Variants in AGL observed in about 807,000 individuals in gnomAD.
AGL encodes the protein amylo-alpha-1,6-glucosidase and 4-alpha-glucanotransferase.
In AGL, 128 loss-of-function variants were observed where a neutral mutation model predicts 199.3. That is an observed-to-expected ratio of 0.64 (90% CI 0.56 to 0.74). The LOEUF (loss-of-function observed/expected upper bound fraction) is 0.74. AGL is among the 30% of genes least tolerant of loss of function. AGL has a pLI of 0.00. For synonymous variants in AGL, 584 were observed against 594.7 expected, an observed-to-expected ratio of 0.98 and a Z score of 0.26; for missense variants, 1,809 against 1,820.8, an observed-to-expected ratio of 0.99 and a Z score of 0.12.
chr1:99,881,913 A>T (rs990237898), intron 17 of AGL, among the ~76,000 whole-genome samples: 1 of 152,046 alleles, frequency 6.6e-6, no homozygotes. Flanking sequence ...CAGGCAGATC[A>T]CTTGAGCTCA....
chr1:99,895,078 C>T lies in AGL; in HGVS notation c.3260-1208C>T, dbSNP rs115084432. The stretch of plus-strand genomic sequence containing the variant: ...TTTTTTTTCTTTTGAGACAGAGTTT[C>T]GCTCTTTTTGCCCAGGCTGGAGTAC... On this transcript the variant is annotated intron_variant, in intron 24 of 33. Coordinates refer to ENST00000361915, the MANE Select transcript of AGL (RefSeq NM_000642.3). Among the ~76,000 whole-genome samples, 1,337 of 152,134 alleles carry T rather than the reference C, an allele frequency of 8.8e-3. 9 individuals are homozygous for T. The highest frequency in any genetic ancestry group is 0.013 in the Non-Finnish European group (853 of 67,986).
chr1:99,849,898 T>C (rs1328415684), upstream of AGL, among the ~76,000 whole-genome samples: 6 of 152,330 alleles, frequency 3.9e-5, no homozygotes, highest in East Asian at 1.2e-3. Flanking sequence ...AATGTGCAAC[T>C]GTGAGCTCGC....
intron 25 of AGL, among the ~76,000 whole-genome samples, chr1:99,899,528 CTT>C (rs1491347628): frequency 0.01 from 1,142 of 113,004 alleles, 16 homozygotes; most frequent in African/African-American, 0.034. Context: ...CTCTCTCTCT[CTT>C]TCTCTCTCTC....
chr1:99,857,742 A>G (rs1571219848), intron 2 of AGL, among the ~76,000 whole-genome samples: 1 of 70,868 alleles, frequency 1.4e-5, no homozygotes, highest in Non-Finnish European at 3.1e-5. Context: ...GGGAGGTTGC[A>G]GTGAGCCGAG....
At chr1:99,885,899 G>A (rs78347999) in intron 20 of AGL, among the ~76,000 whole-genome samples, 3,970 of 152,008 alleles carry the variant, frequency 0.026, 81 homozygotes, top group Middle Eastern at 0.095. Flanking sequence ...CCAAAACCAC[G>A]CCCCTCACCC....
At chr1:99,891,463 C>T in intron 22 of AGL, 107 bp downstream of exon 22, 1 of 1,506,206 alleles carries the variant, frequency 6.6e-7, no homozygotes, top group Non-Finnish European at 9.1e-7. Context: ...CATTTTCCTC[C>T]TTCCTTCATC....
chr1:99,882,097 C>T (rs1570446881), intron 17 of AGL, among the ~76,000 whole-genome samples: 1 of 151,064 alleles, frequency 6.6e-6, no homozygotes, highest in East Asian at 1.9e-4. Flanking sequence ...CCAGATCCCA[C>T]CACTGCACTC....
chr1:99,899,994 A>G (rs565999186), intron 25 of AGL, among the ~76,000 whole-genome samples: 13 of 151,776 alleles, frequency 8.6e-5, no homozygotes, highest in African/African-American at 3.1e-4. Flanking sequence ...CACTGGCACA[A>G]TCTCAGCTCA....
intron 5 of AGL, among the ~76,000 whole-genome samples, chr1:99,867,682 A>C (rs1364502888): frequency 6.6e-6 from 1 of 150,972 alleles, no homozygotes; most frequent in Non-Finnish European, 1.5e-5. Flanking sequence ...CAGCCTCCCG[A>C]GTAGTTGGAA....
intron 12 of AGL, among the ~76,000 whole-genome samples, chr1:99,879,673 T>C (rs895969903): frequency 1.3e-5 from 2 of 152,128 alleles, no homozygotes; most frequent in African/African-American, 2.4e-5. Context: ...TTTAGTAATA[T>C]GAAACTAACA....
chr1:99,882,506 A>G (rs1056723876), intron 17 of AGL, among the ~76,000 whole-genome samples: 11 of 152,182 alleles, frequency 7.2e-5, no homozygotes, highest in Admixed American at 2.6e-4. Context: ...CCAAATAGAT[A>G]TTTTTACTTC....
chr1:99,880,123 A>T (rs1336987848), intron 13 of AGL, 77 bp downstream of exon 13: 6 of 1,581,354 alleles, frequency 3.8e-6, no homozygotes, highest in Non-Finnish European at 4.3e-6. Context: ...ATAGCTTCAT[A>T]TGCAATGCTT....
chr1:99,891,698 A>G lies in AGL; in HGVS notation c.3042A>G (p.Ala1014=), dbSNP rs372872214. 4 of 1,613,630 alleles carry G rather than the reference A, an allele frequency of 2.5e-6. No individual in the cohort carries two copies. Among genetic ancestry groups the G allele is most frequent in the African/African-American group, 2.7e-5 (2 of 75,036 alleles). ...PCYFDAILIG[A]YTTLLDTAWK... ...ACTTTGATGCTATATTAATTGGTGC[A>G]TATACCACTCTTCTGGATACAGCAT... Residue 1014 remains alanine (A), a synonymous_variant, in exon 23 of 34, where the codon GCA becomes GCG. Transcript: ENST00000361915.
intron 4 of AGL, 117 bp from the exon 5 acceptor site, chr1:99,864,269 G>C: frequency 4.3e-6 from 4 of 929,346 alleles, no homozygotes; most frequent in Non-Finnish European, 6.8e-6. Flanking sequence ...TTTTCCAGTA[G>C]CATGCTTGCC....
intron 2 of AGL, 170 bp from the exon 3 acceptor site, chr1:99,861,333 T>A (rs2101083876): frequency 6.7e-7 from 1 of 1,486,608 alleles, no homozygotes; most frequent in East Asian, 2.5e-5. Context: ...AAATGTGAAA[T>A]TCAGCTAAAT....
rs1278750424 is a variant in AGL, at chr1:99,884,372, G to A, written c.2467G>A (p.Val823Ile). 4.3e-6 allele frequency: 7 copies of A among 1,612,334 alleles called. No homozygotes were observed. In the African/African-American group the frequency reaches 8.1e-5, roughly 19 times the overall value. ...AAGTAAAATTGTTAAACAAGCTGGAGTTGCCACAAAAGGGCCCAATGAATA... is the reference window on the plus strand; with the variant it reads ...AAGTAAAATTGTTAAACAAGCTGGAATTGCCACAAAAGGGCCCAATGAATA... ...NESKIVKQAGVATKGPNEYIQ... is the reference protein window; with the variant it reads ...NESKIVKQAGIATKGPNEYIQ... The change falls in exon 19 of 34, where the codon GTT becomes ATT. Residue 823 changes from valine to isoleucine, a missense_variant. Transcript: ENST00000361915.
Position 99,912,387 on chromosome 1 carries a change from T to C in AGL, c.3837-18T>C. The C allele has an allele frequency of 6.2e-7, 1 of 1,601,270 alleles. No individual in the cohort carries two copies. On this transcript the variant is annotated intron_variant, in intron 28 of 33. Coordinates refer to ENST00000361915, the MANE Select transcript of AGL (RefSeq NM_000642.3). ...AGGACGCCAACTTAAAGAATAAAAA[T>C]ACGTTTTTTAATTTTAGAGATGGGT...
intron 20 of AGL, among the ~76,000 whole-genome samples, 171 bp downstream of exon 20, chr1:99,884,874 TTG>T (rs1197300142): frequency 1.3e-5 from 2 of 152,224 alleles, no homozygotes. Context: ...GTTTTATAAT[TTG>T]TGTGTGTACC....
intron 27 of AGL, among the ~76,000 whole-genome samples, chr1:99,906,396 C>T (rs368916009): frequency 1.8e-4 from 27 of 152,150 alleles, no homozygotes; most frequent in African/African-American, 6.5e-4. Context: ...AAGCATGTAA[C>T]GTTAAATTTA....
Sources: allele counts gnomAD v4.1 joint callset (sites outside exome capture counted in the v4.1 genomes callset), GRCh38; gene constraint gnomAD v4.1.1; transcripts MANE v1.5; gene names NCBI Gene and HGNC (gene_info 2026-07-23, HGNC 2026-07-21).